Variants in RPS6KA5 observed in about 807,000 individuals in gnomAD.
RPS6KA5 encodes ribosomal protein S6 kinase A5.
RPS6KA5 carries 27 observed loss-of-function variants against 85.5 expected under a neutral mutation model. The observed-to-expected ratio is 0.32, with a 90% CI of 0.23 to 0.44. The LOEUF (loss-of-function observed/expected upper bound fraction) is 0.44, where lower values mean the gene tolerates loss of function less well. Among genes scored for constraint, RPS6KA5 ranks in the 20% least tolerant of loss-of-function variants. The probability of loss-of-function intolerance (pLI) is 1.00; values close to 1 mark genes in which losing one functional copy is unlikely to be tolerated. For missense variants in RPS6KA5, 811 were observed against 980.9 expected (o/e 0.83, Z 2.31); for synonymous variants, 334 against 348.2 (o/e 0.96, Z 0.46).
At chr14:90,881,456 A>C (rs2033832449) in intron 14 of RPS6KA5, among the ~76,000 whole-genome samples, 2 of 151,574 alleles carry the variant, frequency 1.3e-5, no homozygotes, top group African/African-American at 4.8e-5. Flanking sequence ...CTGTCTCAAA[A>C]AAAAAAAAAA....
intron 2 of RPS6KA5, among the ~76,000 whole-genome samples, chr14:90,980,572 T>A (rs560259518): frequency 6.6e-6 from 1 of 152,314 alleles, no homozygotes; most frequent in Admixed American, 6.5e-5. Flanking sequence ...ACAACATTCC[T>A]ATAAGGAGGT....
intron 7 of RPS6KA5, among the ~76,000 whole-genome samples, chr14:90,912,330 A>C (rs554020625): frequency 6.6e-6 from 1 of 152,276 alleles, no homozygotes; most frequent in East Asian, 1.9e-4. Flanking sequence ...CCAGTCTTTT[A>C]CCTGAAATAA....
chr14:90,952,148 T>C (rs1030219154), intron 3 of RPS6KA5, among the ~76,000 whole-genome samples: 60 of 152,206 alleles, frequency 3.9e-4, no homozygotes, highest in African/African-American at 1.4e-3. Context: ...CATTCAAACA[T>C]TATGCTTTGT....
At chr14:90,916,842 T>C (rs575871416) in intron 7 of RPS6KA5, among the ~76,000 whole-genome samples, 2 of 152,338 alleles carry the variant, frequency 1.3e-5, no homozygotes, top group South Asian at 2.1e-4. Context: ...TCTCTTTCTC[T>C]TTCTAAAACC....
In RPS6KA5 at chr14:90,853,967, T is replaced by C. The variant is rs918988193; in HGVS notation, c.*18107A>G. On this transcript the variant is annotated 3_prime_UTR_variant, in exon 17 of 17. Coordinates refer to ENST00000614987, the MANE Select transcript of RPS6KA5 (RefSeq NM_004755.4). The stretch of plus-strand genomic sequence containing the variant: ...GGTGGGGGATTACTGGCAGGGCAGA[T>C]AGTCGATTTAAGGAGTGAGGGGCAG... 3.3e-5 allele frequency: 5 copies of C among 152,330 alleles called. No homozygotes were observed. The highest frequency in any genetic ancestry group is 1.9e-4 in the East Asian group (1 of 5,192). 9.4% of individuals were successfully genotyped at this position (152,330 alleles called of 1,614,324 possible).
At chr14:90,887,257 C>T (rs1243763440) in intron 14 of RPS6KA5, among the ~76,000 whole-genome samples, 2 of 152,192 alleles carry the variant, frequency 1.3e-5, no homozygotes, top group Non-Finnish European at 2.9e-5. Context: ...TCACGGCTCA[C>T]TGCAGTCTCA....
chr14:90,917,811 C>A (rs1414599626), intron 7 of RPS6KA5, among the ~76,000 whole-genome samples: 1 of 152,292 alleles, frequency 6.6e-6, no homozygotes, highest in East Asian at 1.9e-4. Context: ...ATCCCCCCAC[C>A]TCACCCTCCT....
intron 1 of RPS6KA5, among the ~76,000 whole-genome samples, chr14:91,017,134 CTG>C (rs2041537075): frequency 6.6e-6 from 1 of 152,176 alleles, no homozygotes; most frequent in Non-Finnish European, 1.5e-5. Context: ...CTGGCTACAG[CTG>C]ATGCTGAGTG....
At position 90,862,132 on chromosome 14, in the gene RPS6KA5, A is replaced by G. The variant is rs1279299095; in HGVS notation, c.*9942T>C. 6.6e-6 allele frequency: 1 copy of G among 152,242 alleles called. No individual in the cohort carries two copies. The highest frequency in any genetic ancestry group is 6.5e-5 in the Admixed American group (1 of 15,292). The allele number at this position is 152,242 out of a possible 1,614,324, so 9.4% of individuals were successfully genotyped here. On this transcript the variant is annotated 3_prime_UTR_variant, in exon 17 of 17. Transcript: ENST00000614987. Reference sequence around the variant, plus strand: ...TACAGGAACCAAGAGGATATAGGACAAAAATGTAAAAGAAATTGTAAGATG... The same window carrying G: ...TACAGGAACCAAGAGGATATAGGACGAAAATGTAAAAGAAATTGTAAGATG...
At chr14:90,924,407 C>G (rs539484558) in intron 5 of RPS6KA5, among the ~76,000 whole-genome samples, 1 of 152,132 alleles carries the variant, frequency 6.6e-6, no homozygotes, top group East Asian at 1.9e-4. Flanking sequence ...ATAATTCTAC[C>G]AAGAAGACAA....
In RPS6KA5 at chr14:90,920,235, T is replaced by C. The variant is rs2036333860; in HGVS notation, c.777A>G (p.Gly259=). ...ATATCTCAGCTTGGGAATTTTTTTC[T>C]CCATCAACAGTGAAAGGAGATGCTC... is the stretch of plus-strand genomic sequence containing the variant. The part of the protein sequence containing the change: ...LTGASPFTVD[G]EKNSQAEISR... The change falls in exon 7 of 17, where the codon GGA becomes GGG. Residue 259 remains glycine, a synonymous_variant. Transcript: ENST00000614987. The C allele has an allele frequency of 3.1e-6, 5 of 1,611,920 alleles. No individual in the cohort carries two copies. Among genetic ancestry groups the C allele is most frequent in the Non-Finnish European group, 4.2e-6 (5 of 1,178,408 alleles).
At chr14:91,041,249 A>C (rs2042596635) in intron 1 of RPS6KA5, among the ~76,000 whole-genome samples, 1 of 152,206 alleles carries the variant, frequency 6.6e-6, no homozygotes, top group Admixed American at 6.5e-5. Flanking sequence ...TCAATATGCC[A>C]ACTAGGAAAT....
chr14:90,991,287 C>T (rs567693326), intron 2 of RPS6KA5, among the ~76,000 whole-genome samples: 23 of 152,256 alleles, frequency 1.5e-4, no homozygotes, highest in Admixed American at 6.5e-4. Flanking sequence ...TAAGACACCC[C>T]TTGAAAGAAT....
chr14:90,887,284 GAGCCTCTCACCTC>G (rs1232173453), intron 14 of RPS6KA5, among the ~76,000 whole-genome samples: 4 of 152,100 alleles, frequency 2.6e-5, no homozygotes, highest in Non-Finnish European at 5.9e-5. Context: ...GGGCTCAAGT[GAGCCTCTCACCTC>G]AGCCTCCCAA....
intron 3 of RPS6KA5, among the ~76,000 whole-genome samples, chr14:90,948,186 G>C (rs1028377450): frequency 2.0e-5 from 3 of 152,190 alleles, no homozygotes; most frequent in Admixed American, 2.0e-4. Context: ...GCTACATTAA[G>C]ACATAAATAG....
intron 7 of RPS6KA5, among the ~76,000 whole-genome samples, chr14:90,911,659 C>T (rs964928581): frequency 6.6e-6 from 1 of 152,110 alleles, no homozygotes; most frequent in Non-Finnish European, 1.5e-5. Context: ...ATTATGTTTA[C>T]AGAGAGTTTT....
At chr14:91,029,327 G>A (rs2042098224) in intron 1 of RPS6KA5, among the ~76,000 whole-genome samples, 1 of 152,042 alleles carries the variant, frequency 6.6e-6, no homozygotes, top group Admixed American at 6.6e-5. Context: ...TTACTAAACT[G>A]TCCTTATTTA....
intron 10 of RPS6KA5, 89 bp from the exon 11 acceptor site, chr14:90,900,330 ATAT>A: frequency 1.1e-6 from 1 of 922,618 alleles, no homozygotes; most frequent in South Asian, 2.8e-5. Context: ...AAAATTATTA[ATAT>A]TAATAAACAG....
Position 90,863,302 on chromosome 14 carries a change from C to CGAAAAAAAA in RPS6KA5, c.*8771_*8772insTTTTTTTTC. 4.0e-5 allele frequency: 1 copy of CGAAAAAAAA among 24,806 alleles called. No homozygotes were observed. Among genetic ancestry groups the CGAAAAAAAA allele is most frequent in the South Asian group, 2.1e-3 (1 of 466 alleles). 1.5% of individuals were successfully genotyped at this position (24,806 alleles called of 1,614,324 possible). A position where few individuals can be genotyped will look rare whatever the true frequency, so the allele number is the denominator to read the frequency against. On this transcript the variant is annotated 3_prime_UTR_variant, in exon 17 of 17. Transcript: ENST00000614987. ...TGGGTGGCAGAGCGAGACTCCGTCT[C>CGAAAAAAAA]AAAAAAAAAAAAAAAAAAAAAAAAA...
Sources: gnomAD v4.1 joint callset for allele counts (sites outside exome capture counted in the v4.1 genomes callset) on GRCh38, gnomAD v4.1.1 for gene constraint, MANE v1.5 for transcripts, NCBI Gene and HGNC (gene_info 2026-07-23, HGNC 2026-07-21) for gene names.